MRTFB: variants seen among roughly 807,000 people sequenced by gnomAD.
MRTFB encodes myocardin-related transcription factor B.
Under a neutral mutation model 104.2 loss-of-function variants are expected in MRTFB, and 29 were observed. The observed-to-expected ratio is 0.28, with a 90% CI of 0.21 to 0.38. The LOEUF (loss-of-function observed/expected upper bound fraction) is 0.38, where lower values mean the gene tolerates loss of function less well. Among genes scored for constraint, MRTFB ranks in the 10% least tolerant of loss-of-function variants. MRTFB has a pLI of 1.00. For synonymous variants in MRTFB, 535 were observed against 519.5 expected (o/e 1.03, Z -0.41); for missense variants, 1,270 against 1,341.6 (o/e 0.95, Z 0.83).
chr16:14,196,970 T>TC (rs1463789709), intron 3 of MRTFB, among the ~76,000 whole-genome samples: 52 of 135,928 alleles, frequency 3.8e-4, no homozygotes, highest in African/African-American at 1.4e-3. Context: ...TTTTCTTTTT[T>TC]TTTTTTTTTT....
At chr16:14,181,402 A>G (rs1300311789) in intron 3 of MRTFB, among the ~76,000 whole-genome samples, 1 of 152,196 alleles carries the variant, frequency 6.6e-6, no homozygotes, top group African/African-American at 2.4e-5. Context: ...AATACATCCA[A>G]TCTCATTATC....
the MRTFB span, among the ~76,000 whole-genome samples, chr16:14,039,294 C>T: frequency 0.44 from 67,280 of 151,974 alleles, 17,498 homozygotes; most frequent in Non-Finnish European, 0.58. Context: ...TCCTCCAGAA[C>T]GGGCATTGGA....
chr16:14,232,809 G>T (rs900740578), intron 8 of MRTFB, among the ~76,000 whole-genome samples: 2 of 152,176 alleles, frequency 1.3e-5, no homozygotes, highest in African/African-American at 4.8e-5. Flanking sequence ...ATTTCATGCT[G>T]CTAATAGCCC....
chr16:14,037,123 A>G, the MRTFB span, among the ~76,000 whole-genome samples: 2 of 152,152 alleles, frequency 1.3e-5, no homozygotes, highest in Non-Finnish European at 2.9e-5. Flanking sequence ...TTTGCTTTGG[A>G]GTTGGGCAGG....
chr16:14,014,107 T>C, the MRTFB span, among the ~76,000 whole-genome samples: 4 of 152,146 alleles, frequency 2.6e-5, no homozygotes, highest in East Asian at 7.7e-4. Context: ...TCCTCTCCCC[T>C]AGGGCCAAGA....
chr16:14,127,951 T>C (rs2037241030), intron 2 of MRTFB, among the ~76,000 whole-genome samples: 1 of 120,490 alleles, frequency 8.3e-6, no homozygotes, highest in Non-Finnish European at 1.9e-5. Context: ...TTTTTTTTTT[T>C]CTTTTTTTCC....
At chr16:14,249,219 C>G in intron 13 of MRTFB, 138 bp downstream of exon 13, 1 of 1,017,080 alleles carries the variant, frequency 9.8e-7, no homozygotes, top group Non-Finnish European at 1.4e-6. Flanking sequence ...TAGAATGAGC[C>G]TTAGGTCAGA....
chr16:14,073,350 TA>T, intron 1 of MRTFB, among the ~76,000 whole-genome samples: 1 of 152,338 alleles, frequency 6.6e-6, no homozygotes, highest in East Asian at 1.9e-4. Context: ...CTTTGATAAC[TA>T]AAAATGTTCC....
intron 2 of MRTFB, among the ~76,000 whole-genome samples, chr16:14,121,126 G>T (rs1006039536): frequency 6.6e-6 from 1 of 151,048 alleles, no homozygotes; most frequent in East Asian, 1.9e-4. Context: ...TATTGTGAGT[G>T]TTCTTTGCTT....
intron 3 of MRTFB, among the ~76,000 whole-genome samples, chr16:14,178,034 GA>G: frequency 6.6e-6 from 1 of 151,938 alleles, no homozygotes; most frequent in Non-Finnish European, 1.5e-5. Context: ...CAAATCTTAG[GA>G]GATTAGAAAA....
the MRTFB span, among the ~76,000 whole-genome samples, chr16:14,055,106 C>G: frequency 8.5e-5 from 13 of 152,156 alleles, no homozygotes; most frequent in African/African-American, 3.1e-4. Context: ...AATCCCAGCA[C>G]TTTGGGAGGC....
At chr16:14,211,256 G>T (rs1028211855) in intron 4 of MRTFB, among the ~76,000 whole-genome samples, 1 of 151,512 alleles carries the variant, frequency 6.6e-6, no homozygotes, top group African/African-American at 2.4e-5. Context: ...TAATCTGCCA[G>T]ATTTCTCCAC....
At chr16:14,220,007 C>A (rs1200300603) in intron 8 of MRTFB, among the ~76,000 whole-genome samples, 1 of 152,178 alleles carries the variant, frequency 6.6e-6, no homozygotes, top group East Asian at 1.9e-4. Flanking sequence ...TGTTTCTCTT[C>A]TCCTTCCATG....
Position 14,210,320 on chromosome 16 carries a change from A to G in MRTFB, c.220+12A>G. 2 of 1,607,926 alleles carry G rather than the reference A, an allele frequency of 1.2e-6. No homozygotes were observed. Among genetic ancestry groups the G allele is most frequent in the South Asian group, 2.2e-5 (2 of 90,252 alleles). ...GGGCATCATGCCACGTAAGATTTATACCATCACTGCCATCCCTAACGTGAC... is the reference window on the plus strand; with the variant it reads ...GGGCATCATGCCACGTAAGATTTATGCCATCACTGCCATCCCTAACGTGAC... On this transcript the variant is annotated intron_variant, in intron 4 of 16. Coordinates refer to ENST00000571589, the MANE Select transcript of MRTFB (RefSeq NM_001308142.2).
At chr16:14,022,655 TGCTG>T in the MRTFB span, among the ~76,000 whole-genome samples, 7 of 152,054 alleles carry the variant, frequency 4.6e-5, no homozygotes, top group Non-Finnish European at 1.0e-4. Context: ...CCACCCAAAG[TGCTG>T]GGATTACAGG....
At chr16:14,034,520 A>G in the MRTFB span, among the ~76,000 whole-genome samples, 3 of 151,446 alleles carry the variant, frequency 2.0e-5, no homozygotes, top group Non-Finnish European at 4.4e-5. Flanking sequence ...AGGCTGAGGC[A>G]GGAGAATCAC....
At chr16:14,041,403 T>G in the MRTFB span, among the ~76,000 whole-genome samples, 1 of 152,220 alleles carries the variant, frequency 6.6e-6, no homozygotes, top group African/African-American at 2.4e-5. Context: ...GTTTGACTTC[T>G]TTAGATACCT....
chr16:14,168,642 G>A (rs2039326810), intron 3 of MRTFB, among the ~76,000 whole-genome samples: 1 of 152,146 alleles, frequency 6.6e-6, no homozygotes, highest in East Asian at 1.9e-4. Context: ...CCTTTTAGTG[G>A]ACTCCTGGAC....
chr16:14,158,715 G>A (rs1031623766), intron 3 of MRTFB, among the ~76,000 whole-genome samples: 1 of 152,126 alleles, frequency 6.6e-6, no homozygotes, highest in Middle Eastern at 3.2e-3. Context: ...TGAGGGAATA[G>A]TTTTATTTTA....
Sources: gnomAD v4.1 joint callset for allele counts (sites outside exome capture counted in the v4.1 genomes callset) on GRCh38, gnomAD v4.1.1 for gene constraint, MANE v1.5 for transcripts, NCBI Gene and HGNC (gene_info 2026-07-23, HGNC 2026-07-21) for gene names.